ARHGAP35: variants seen among roughly 807,000 people sequenced by gnomAD.
ARHGAP35 encodes the protein Rho GTPase activating protein 35, also known as rho GTPase-activating protein 35.
Under a neutral mutation model 111.1 loss-of-function variants are expected in ARHGAP35, and 15 were observed. The observed-to-expected ratio is 0.13, with a 90% CI of 0.09 to 0.21. ARHGAP35 has a LOEUF of 0.21. Among genes scored for constraint, ARHGAP35 ranks in the 10% least tolerant of loss-of-function variants. The probability of loss-of-function intolerance (pLI) is 1.00; values close to 1 mark genes in which losing one functional copy is unlikely to be tolerated. For synonymous variants in ARHGAP35, 643 were observed against 710.3 expected, an observed-to-expected ratio of 0.91 and a Z score of 1.51; for missense variants, 1,262 against 1,873.0, an observed-to-expected ratio of 0.67 and a Z score of 6.02.
intron 3 of ARHGAP35, chr19:46,948,301 A>G (rs1450159397): frequency 3.3e-5 from 5 of 152,246 alleles, no homozygotes; most frequent in African/African-American, 7.2e-5. Context: ...CCTATGTATC[A>G]TATCACATTG....
rs549028091 is a variant in ARHGAP35, at chr19:46,889,450, T to TC, written c.-189+28243dup. Among the ~76,000 whole-genome samples the TC allele has an allele frequency of 2.9e-3, 429 of 149,944 alleles. 2 individuals carry two copies. Among genetic ancestry groups the TC allele is most frequent in the African/African-American group, 0.01 (407 of 40,654 alleles). Reference sequence around the variant, plus strand: ...CTCCAGCCTGGGTGACGAGTGAAACTCCATCTCAAAAAAACAAAAACAAAG... The same window carrying TC: ...CTCCAGCCTGGGTGACGAGTGAAACTCCCATCTCAAAAAAACAAAAACAAAG... On this transcript the variant is annotated intron_variant, in intron 1 of 6. Coordinates refer to ENST00000672722, the MANE Select transcript of ARHGAP35 (RefSeq NM_004491.5).
intron 5 of ARHGAP35, among the ~76,000 whole-genome samples, chr19:46,996,352 C>T (rs1021210500): frequency 6.6e-6 from 1 of 152,186 alleles, no homozygotes; most frequent in Non-Finnish European, 1.5e-5. Flanking sequence ...ATCCACCCAC[C>T]TCAGCCTCCC....
At position 46,918,537 on chromosome 19, in the gene ARHGAP35, C is replaced by CTGGT. The variant is rs1469845126; in HGVS notation, c.-138_-135dup. 1 of 742,548 alleles carries CTGGT rather than the reference C, an allele frequency of 1.3e-6. No homozygotes were observed. The highest frequency in any genetic ancestry group is 2.2e-6 in the Non-Finnish European group (1 of 445,562). 46.0% of individuals were successfully genotyped at this position (742,548 alleles called of 1,614,324 possible). On this transcript the variant is annotated 5_prime_UTR_variant, in exon 2 of 7. Coordinates refer to ENST00000672722, the MANE Select transcript of ARHGAP35 (RefSeq NM_004491.5). The surrounding 1 kb of genome is among the most constrained non-coding windows in gnomAD (Gnocchi z 5.4). ...TGAGAGGTGGTGAACAGTGACCATACTGGTATACAACACTATGGGACCTGG... is the reference window on the plus strand; with the variant it reads ...TGAGAGGTGGTGAACAGTGACCATACTGGTTGGTATACAACACTATGGGACCTGG...
rs566138592 is a variant in ARHGAP35 at position 46,914,411 on chromosome 19, G to A, written c.-188-4077G>A. ...GGATTGCTTGAGGCCAGGAGTTTGA[G>A]ACCAGCCTGGGCAACATAGCAAGAC... On this transcript the variant is annotated intron_variant, in intron 1 of 6. Transcript: ENST00000672722. Among the ~76,000 whole-genome samples, 6 of 152,174 alleles carry A rather than the reference G, an allele frequency of 3.9e-5. No individual in the cohort carries two copies. The East Asian group carries it at 1.2e-3, about 29-fold the overall frequency.
intron 3 of ARHGAP35, among the ~76,000 whole-genome samples, chr19:46,984,567 G>A (rs751322109): frequency 7.2e-5 from 11 of 152,108 alleles, no homozygotes; most frequent in Admixed American, 5.9e-4. Flanking sequence ...TAGTAGTTAC[G>A]ATAAATTGCA....
At chr19:46,897,245 C>T (rs1160194093) in intron 1 of ARHGAP35, among the ~76,000 whole-genome samples, 4 of 152,052 alleles carry the variant, frequency 2.6e-5, no homozygotes, top group Admixed American at 1.3e-4. Context: ...CAACTGATGG[C>T]CCATTTTCAT....
chr19:46,943,537 C>A (rs1287706703), intron 3 of ARHGAP35, among the ~76,000 whole-genome samples: 1 of 152,188 alleles, frequency 6.6e-6, no homozygotes, highest in African/African-American at 2.4e-5. Flanking sequence ...CCTCTCACCC[C>A]ATCTCTCTCT....
Position 46,992,566 on chromosome 19 carries a change from G to A in ARHGAP35, c.4036+2891G>A, listed in dbSNP as rs2056685003. Among the ~76,000 whole-genome samples, 1 of 151,944 alleles carries A rather than the reference G, an allele frequency of 6.6e-6. No homozygotes were observed. Among genetic ancestry groups the A allele is most frequent in the Admixed American group, 6.6e-5 (1 of 15,260 alleles). Reference sequence around the variant, plus strand: ...ACTCCCTCCTCCCTGCCTATCTGGAGTCGACCCCGTCCAGCTGGTGTCCAC... The same window carrying A: ...ACTCCCTCCTCCCTGCCTATCTGGAATCGACCCCGTCCAGCTGGTGTCCAC... On this transcript the variant is annotated intron_variant, in intron 5 of 6. Transcript: ENST00000672722. The surrounding 1 kb of genome is among the most constrained non-coding windows in gnomAD (Gnocchi z 4.4).
chr19:46,917,100 TA>T (rs1444460509), intron 1 of ARHGAP35, among the ~76,000 whole-genome samples: 1 of 152,220 alleles, frequency 6.6e-6, no homozygotes, highest in Non-Finnish European at 1.5e-5. Flanking sequence ...TTCCATCTTG[TA>T]AAACTGAAAC....
intron 1 of ARHGAP35, among the ~76,000 whole-genome samples, chr19:46,906,952 G>A (rs1167268030): frequency 6.6e-6 from 1 of 152,066 alleles, no homozygotes; most frequent in Non-Finnish European, 1.5e-5. Context: ...AGCCAGGCGC[G>A]ATGGCACATG....
At chr19:46,929,481 C>T (rs1378293370) in intron 2 of ARHGAP35, among the ~76,000 whole-genome samples, 3 of 152,080 alleles carry the variant, frequency 2.0e-5, no homozygotes, top group African/African-American at 7.2e-5. Context: ...ACTTGGCAAG[C>T]CATGGGTGTG....
In ARHGAP35 at chr19:46,992,994, G is replaced by A. The variant is rs1447045503; in HGVS notation, c.4036+3319G>A. Among the ~76,000 whole-genome samples the A allele has an allele frequency of 1.3e-5, 2 of 152,170 alleles. No homozygotes were observed. The highest frequency in any genetic ancestry group is 2.1e-4 in the South Asian group (1 of 4,824). ...CCACATAGCTGCCCGAGGGCACGGG[G>A]GTGCTTCTCACACCCACGTACGGGG... is the stretch of plus-strand genomic sequence containing the variant. On this transcript the variant is annotated intron_variant, in intron 5 of 6. Coordinates refer to ENST00000672722, the MANE Select transcript of ARHGAP35 (RefSeq NM_004491.5). This position sits in a 1 kb window ranked among gnomAD's most constrained non-coding sequence, Gnocchi z 4.4.
chr19:46,891,132 G>A (rs2056021520), intron 1 of ARHGAP35, among the ~76,000 whole-genome samples: 1 of 152,142 alleles, frequency 6.6e-6, no homozygotes, highest in Non-Finnish European at 1.5e-5. Context: ...ATACCTCTGA[G>A]CCTTGGTTTT....
rs142628294 is a variant in ARHGAP35 at position 46,993,013 on chromosome 19, T to C, written c.4036+3338T>C. Among the ~76,000 whole-genome samples the C allele has an allele frequency of 0.021, 3,144 of 152,286 alleles. 47 individuals carry two copies. The highest frequency in any genetic ancestry group is 0.031 in the South Asian group (152 of 4,828). ...CACGGGGGTGCTTCTCACACCCACG[T>C]ACGGGGTCATTAATTTCACAGCTAG... On this transcript the variant is annotated intron_variant, in intron 5 of 6. Coordinates refer to ENST00000672722, the MANE Select transcript of ARHGAP35 (RefSeq NM_004491.5). This position sits in a 1 kb window ranked among gnomAD's most constrained non-coding sequence, Gnocchi z 4.6.
chr19:46,986,579 G>T lies in ARHGAP35; in HGVS notation c.3827-1410G>T, dbSNP rs2056651315. Among the ~76,000 whole-genome samples the T allele has an allele frequency of 6.6e-6, 1 of 152,044 alleles. No individual in the cohort carries two copies. Among genetic ancestry groups the T allele is most frequent in the Non-Finnish European group, 1.5e-5 (1 of 68,004 alleles). ...CTGGTCTTGAAAGCCTAAAATTTTT[G>T]AATTATATACTTCAACAAATTCAGT... On this transcript the variant is annotated intron_variant, in intron 3 of 6. Coordinates refer to ENST00000672722, the MANE Select transcript of ARHGAP35 (RefSeq NM_004491.5). The surrounding 1 kb of genome is among the most constrained non-coding windows in gnomAD (Gnocchi z 4.3).
chr19:46,879,617 A>AATAAATAAATAAATAAATAAATAAATAT (rs899638161), intron 1 of ARHGAP35, among the ~76,000 whole-genome samples: 1 of 141,346 alleles, frequency 7.1e-6, no homozygotes, highest in Non-Finnish European at 1.6e-5. Flanking sequence ...TAAATAAATA[A>AATAAATAAATAAATAAATAAATAAATAT]AAATAAAAAT....
intron 2 of ARHGAP35, among the ~76,000 whole-genome samples, chr19:46,935,222 G>A (rs1478955173): frequency 6.6e-6 from 1 of 152,180 alleles, no homozygotes; most frequent in African/African-American, 2.4e-5. Context: ...AGTGAGTGGG[G>A]ACAGGCTTTA....
rs36048282 is a variant in ARHGAP35, at chr19:46,869,476, TTGTGTGTGTGTGTGTGTGTGTG to T, written c.-189+8279_-189+8300del. 6.3e-3 allele frequency among the ~76,000 whole-genome samples: 915 copies of T among 144,312 alleles called. 4 individuals are homozygous for T. The highest frequency in any genetic ancestry group is 0.022 in the South Asian group (97 of 4,462). 94.7% of individuals were successfully genotyped at this position (144,312 alleles called of 152,430 possible). On this transcript the variant is annotated intron_variant, in intron 1 of 6. Coordinates refer to ENST00000672722, the MANE Select transcript of ARHGAP35 (RefSeq NM_004491.5). ...TGAGACCTTGTCTCAAGAAAAAAAA[TTGTGTGTGTGTGTGTGTGTGTG>T]TGTGTGTGTGTATTTGCATTGTGTG...
At chr19:46,983,039 G>A (rs1234414827) in intron 3 of ARHGAP35, among the ~76,000 whole-genome samples, 1 of 77,458 alleles carries the variant, frequency 1.3e-5, no homozygotes, top group Non-Finnish European at 2.3e-5. Context: ...GAGTGACAAA[G>A]CAAGACCTTG....
Sources: gnomAD v4.1 joint callset for allele counts (sites outside exome capture counted in the v4.1 genomes callset) on GRCh38, gnomAD v4.1.1 for gene constraint, Gnocchi (gnomAD v3.1) non-coding constraint, MANE v1.5 for transcripts, NCBI Gene and HGNC (gene_info 2026-07-23, HGNC 2026-07-21) for gene names.